COL4A4: variants seen among roughly 807,000 people sequenced by gnomAD.
COL4A4 encodes collagen type IV alpha 4 chain.
Under a neutral mutation model 192.9 loss-of-function variants are expected in COL4A4, and 105 were observed. The observed-to-expected ratio is 0.54, with a 90% CI of 0.46 to 0.64. COL4A4 has a LOEUF of 0.64. Among genes scored for constraint, COL4A4 ranks in the 30% least tolerant of loss-of-function variants. COL4A4 has a pLI of 0.00. For synonymous variants in COL4A4, 762 were observed against 769.9 expected (o/e 0.99, Z 0.17); for missense variants, 1,967 against 2,169.3 (o/e 0.91, Z 1.85).
chr2:227,065,767 G>C (rs2058293092), intron 25 of COL4A4, among the ~76,000 whole-genome samples: 1 of 152,194 alleles, frequency 6.6e-6, no homozygotes, highest in Non-Finnish European at 1.5e-5. Flanking sequence ...AAACCACAAA[G>C]ATGGGGAAAA....
intron 24 of COL4A4, among the ~76,000 whole-genome samples, chr2:227,080,108 C>T (rs1180389398): frequency 6.6e-6 from 1 of 152,160 alleles, no homozygotes; most frequent in Non-Finnish European, 1.5e-5. Context: ...CCATCCTCCA[C>T]CCCACAGAGT....
chr2:227,097,007 A>G (rs1205192590), intron 19 of COL4A4, among the ~76,000 whole-genome samples: 1 of 152,192 alleles, frequency 6.6e-6, no homozygotes, highest in Admixed American at 6.5e-5. Context: ...ATATAATAGG[A>G]CTAGATACAC....
At chr2:227,105,615 T>A (rs2060795851) in intron 12 of COL4A4, among the ~76,000 whole-genome samples, 1 of 152,222 alleles carries the variant, frequency 6.6e-6, no homozygotes, top group South Asian at 2.1e-4. Context: ...AAGAAAAGAA[T>A]GTTTCTTGAA....
rs71036155 is a variant in COL4A4 at position 227,047,731 on chromosome 2, CCACACA to C, written c.3215-188_3215-183del. Among the ~76,000 whole-genome samples, 675 of 146,340 alleles carry C rather than the reference CCACACA, an allele frequency of 4.6e-3. 18 individuals carry two copies. Among genetic ancestry groups the C allele is most frequent in the Admixed American group, 0.04 (577 of 14,594 alleles). On this transcript the variant is annotated intron_variant, in intron 34 of 47. Coordinates refer to ENST00000396625, the MANE Select transcript of COL4A4 (RefSeq NM_000092.5). ...ATAGATGCAAGATGCAATTTACATACCACACACACACACACACACACACACACACAC... is the reference window on the plus strand; with the variant it reads ...ATAGATGCAAGATGCAATTTACATACCACACACACACACACACACACACAC...
chr2:227,100,736 T>C (rs189193266), intron 17 of COL4A4, among the ~76,000 whole-genome samples: 97 of 152,106 alleles, frequency 6.4e-4, no homozygotes, highest in African/African-American at 2.3e-3. Flanking sequence ...ACTCCTACAA[T>C]TCCCACCTGT....
intron 19 of COL4A4, among the ~76,000 whole-genome samples, chr2:227,098,221 TA>T (rs1460871675): frequency 6.6e-6 from 1 of 152,208 alleles, no homozygotes; most frequent in Non-Finnish European, 1.5e-5. Context: ...GTGAATGTAC[TA>T]AATTTTACAA....
intron 25 of COL4A4, among the ~76,000 whole-genome samples, chr2:227,072,054 C>T (rs776952177): frequency 1.6e-4 from 24 of 151,208 alleles, no homozygotes; most frequent in Admixed American, 6.6e-5. Flanking sequence ...CAGACTGAAC[C>T]AAATGAAATG....
rs17353916 is a variant in COL4A4, at chr2:227,147,498, A to G, written c.-15T>C. ...AGAGACCACATCGCAGGCAAGTCTT[A>G]GTACTTAAAAAATATTCTGCCAGTC... is the stretch of plus-strand genomic sequence containing the variant. On this transcript the variant is annotated 5_prime_UTR_variant, in exon 2 of 48. Transcript: ENST00000396625. The G allele has an allele frequency of 7.4e-3, 11,897 of 1,611,456 alleles. 66 individuals carry two copies. The highest frequency in any genetic ancestry group is 9.4e-3 in the Non-Finnish European group (11,116 of 1,178,040).
At chr2:227,115,642 T>A (rs2061453932) in intron 7 of COL4A4, among the ~76,000 whole-genome samples, 1 of 152,168 alleles carries the variant, frequency 6.6e-6, no homozygotes, top group Non-Finnish European at 1.5e-5. Flanking sequence ...TATATCAAGC[T>A]CATATGAAAG....
At chr2:227,041,838 AAGAAAGAAAG>A (rs1389116133) in intron 37 of COL4A4, among the ~76,000 whole-genome samples, 71 of 41,570 alleles carry the variant, frequency 1.7e-3, no homozygotes, top group Middle Eastern at 0.01. Context: ...GAAAGAAAGA[AAGAAAGAAAG>A]AGAAAGAAAG....
intron 16 of COL4A4, 39 bp downstream of exon 16, chr2:227,101,826 T>C (rs775164003): frequency 1.4e-6 from 2 of 1,443,252 alleles, no homozygotes; most frequent in Non-Finnish European, 1.9e-6. Context: ...CATTTACTAA[T>C]GAAATGTATT....
At chr2:227,141,898 T>C (rs1040940744) in intron 3 of COL4A4, among the ~76,000 whole-genome samples, 2 of 151,992 alleles carry the variant, frequency 1.3e-5, no homozygotes, top group Non-Finnish European at 1.5e-5. Flanking sequence ...TCATTTAAGG[T>C]TGGGCTTCAT....
At chr2:226,995,698 T>C in the COL4A4 span, 2 of 604,772 alleles carry the variant, frequency 3.3e-6, no homozygotes, top group South Asian at 4.2e-5. Flanking sequence ...AACTCACAGC[T>C]TGCGGGGAGT....
chr2:227,112,272 CTT>C (rs544939081), intron 8 of COL4A4, among the ~76,000 whole-genome samples: 5 of 144,758 alleles, frequency 3.5e-5, no homozygotes, highest in Non-Finnish European at 3.0e-5. Flanking sequence ...ACATTTCAAC[CTT>C]TTTTTTTTTT....
At chr2:227,008,438 G>T in intron 46 of COL4A4, 134 bp from the exon 47 acceptor site, 1 of 1,022,442 alleles carries the variant, frequency 9.8e-7, no homozygotes, top group Non-Finnish European at 1.5e-6. Flanking sequence ...CTGCTTCTGT[G>T]GTGAGGAAGC....
In COL4A4 at chr2:227,012,356, C is replaced by G. The variant is rs1158879964; in HGVS notation, c.4217-59G>C. The G allele has an allele frequency of 4.4e-6, 6 of 1,357,332 alleles. No individual in the cohort carries two copies. In the Admixed American group the frequency reaches 1.0e-4, roughly 23 times the overall value. The allele number at this position is 1,357,332 out of a possible 1,614,324, so 84.1% of individuals were successfully genotyped here. A position where few individuals can be genotyped will look rare whatever the true frequency, so the allele number is the denominator to read the frequency against. ...CAACCATGACACCTGCTAGCATTTA[C>G]CGTGCTTATACCGTATGCCAGCCGT... On this transcript the variant is annotated intron_variant, in intron 44 of 47. Coordinates refer to ENST00000396625, the MANE Select transcript of COL4A4 (RefSeq NM_000092.5).
chr2:227,054,580 T>G lies in COL4A4; in HGVS notation c.2860+14A>C. On this transcript the variant is annotated intron_variant, in intron 31 of 47. Coordinates refer to ENST00000396625, the MANE Select transcript of COL4A4 (RefSeq NM_000092.5). ...CAGAAACAAATGCATGTTGCATGGCTGTATTTTATTTACCTTTGGCCCCTC... is the reference window on the plus strand; with the variant it reads ...CAGAAACAAATGCATGTTGCATGGCGGTATTTTATTTACCTTTGGCCCCTC... 6.2e-7 allele frequency: 1 copy of G among 1,614,042 alleles called. No homozygotes were observed. Among genetic ancestry groups the G allele is most frequent in the Non-Finnish European group, 8.5e-7 (1 of 1,179,886 alleles).
chr2:227,126,231 G>A (rs1310561058), intron 4 of COL4A4, among the ~76,000 whole-genome samples: 4 of 152,210 alleles, frequency 2.6e-5, no homozygotes, highest in African/African-American at 9.6e-5. Flanking sequence ...CAGATACTAT[G>A]CAATTTCGTA....
chr2:227,092,464 C>T (rs1052116446), intron 20 of COL4A4, among the ~76,000 whole-genome samples: 1 of 152,042 alleles, frequency 6.6e-6, no homozygotes, highest in South Asian at 2.1e-4. Context: ...ATTCTGGCAA[C>T]AAATTAAAAA....
Sources: allele counts gnomAD v4.1 joint callset (sites outside exome capture counted in the v4.1 genomes callset), GRCh38; gene constraint gnomAD v4.1.1; transcripts MANE v1.5; gene names NCBI Gene and HGNC (gene_info 2026-07-23, HGNC 2026-07-21).